Variants in PLEKHG4B observed in about 807,000 individuals in gnomAD.
PLEKHG4B encodes the protein pleckstrin homology domain-containing family G member 4B.
In PLEKHG4B, 111 loss-of-function variants were observed where a neutral mutation model predicts 121.3. The ratio of observed to expected loss-of-function variants is 0.92; its 90% CI spans 0.78 to 1.07. The LOEUF (loss-of-function observed/expected upper bound fraction) is 1.07. Ranked by LOEUF, PLEKHG4B falls within the 50% of genes least tolerant of loss-of-function variation. The pLI is 0.00. For synonymous variants in PLEKHG4B, 738 were observed against 725.0 expected (o/e 1.02, Z -0.29); for missense variants, 1,831 against 1,757.8 (o/e 1.04, Z -0.74).
In PLEKHG4B at chr5:143,211, G is replaced by A; in HGVS notation, c.1642G>A (p.Asp548Asn). The A allele has an allele frequency of 6.2e-7, 1 of 1,611,244 alleles. No homozygotes were observed. Among genetic ancestry groups the A allele is most frequent in the Non-Finnish European group, 8.5e-7 (1 of 1,180,022 alleles). Reference protein sequence around the residue: ...FPSQVPKQVLDVSQELLQSGV... With the variant: ...FPSQVPKQVLNVSQELLQSGV... The stretch of plus-strand genomic sequence containing the variant: ...CAGCCAGGTGCCCAAGCAGGTGCTG[G>A]ACGTCAGTCAGGAGCTGCTGCAGTC... Residue 548 changes from aspartate (D) to asparagine (N), a missense_variant, in exon 4 of 20, where the codon GAC (aspartate) becomes AAC (asparagine). Transcript: ENST00000637938.
At chr5:131,949 G>A (rs1160158158) in intron 2 of PLEKHG4B, among the ~76,000 whole-genome samples, 1 of 151,902 alleles carries the variant, frequency 6.6e-6, no homozygotes, top group Non-Finnish European at 1.5e-5. Context: ...GCAGAAAAAA[G>A]CATTTGACAA....
rs1186904988 is a variant in PLEKHG4B, at chr5:188,214, C to T, written c.*5891C>T. 4 of 152,324 alleles carry T rather than the reference C, an allele frequency of 2.6e-5. No individual in the cohort carries two copies. The highest frequency in any genetic ancestry group is 4.4e-5 in the Non-Finnish European group (3 of 68,132). 9.4% of individuals were successfully genotyped at this position (152,324 alleles called of 1,614,324 possible). ...CCAGCCTCCCGTTCAGAGAAGGCTC[C>T]ATCCTGGGGACACGCCTCTCCCAAG... On this transcript the variant is annotated 3_prime_UTR_variant, in exon 20 of 20. Transcript: ENST00000637938.
intron 2 of PLEKHG4B, among the ~76,000 whole-genome samples, chr5:115,071 A>G (rs1320739663): frequency 2.0e-5 from 3 of 152,252 alleles, no homozygotes; most frequent in African/African-American, 4.8e-5. Context: ...ATCACTCTCT[A>G]TGGCAGCTAT....
At chr5:162,537 A>C (rs1352530609) in intron 12 of PLEKHG4B, among the ~76,000 whole-genome samples, 185 bp from the exon 13 acceptor site, 1 of 152,242 alleles carries the variant, frequency 6.6e-6, no homozygotes, top group African/African-American at 2.4e-5. Flanking sequence ...ATGGGGTCAG[A>C]CACAGCCCAC....
intron 14 of PLEKHG4B, 38 bp downstream of exon 14, chr5:169,630 G>A: frequency 6.2e-7 from 1 of 1,604,608 alleles, no homozygotes; most frequent in Non-Finnish European, 8.5e-7. Context: ...GGGCAACGTG[G>A]TGGGTGAAGC....
At chr5:124,375 C>T (rs900926494) in intron 2 of PLEKHG4B, among the ~76,000 whole-genome samples, 2 of 152,190 alleles carry the variant, frequency 1.3e-5, no homozygotes, top group Admixed American at 1.3e-4. Context: ...GAGTGTTCTG[C>T]ATATGTCTGT....
chr5:164,347 C>T (rs1244359337), intron 13 of PLEKHG4B, among the ~76,000 whole-genome samples: 1 of 152,212 alleles, frequency 6.6e-6, no homozygotes, highest in African/African-American at 2.4e-5. Flanking sequence ...GTTCGTGCTT[C>T]TCCGAGACTC....
At chr5:134,685 G>T (rs987643108) in intron 2 of PLEKHG4B, among the ~76,000 whole-genome samples, 2 of 151,074 alleles carry the variant, frequency 1.3e-5, no homozygotes, top group African/African-American at 4.9e-5. Context: ...AGAATCACTC[G>T]AACCTGGGAG....
In PLEKHG4B at chr5:139,886, G is replaced by A; in HGVS notation, c.647G>A (p.Gly216Asp). 5.0e-6 allele frequency: 2 copies of A among 402,760 alleles called. No homozygotes were observed. The highest frequency in any genetic ancestry group is 8.7e-6 in the Non-Finnish European group (2 of 228,594). 24.9% of individuals were successfully genotyped at this position (402,760 alleles called of 1,614,324 possible). The change falls in exon 3 of 20, where the codon GGT (glycine) becomes GAT (aspartate). Residue 216 changes from glycine to aspartate, a missense_variant. Gly to Asp is a moderately conservative substitution (Grantham distance 94). Coordinates refer to ENST00000637938, the MANE Select transcript of PLEKHG4B (RefSeq NM_052909.5). This position sits in a 1 kb window ranked among gnomAD's most constrained non-coding sequence, Gnocchi z 5.0. ...CTGCAGAGCTACTCCAGCTGCACAGGTCCTGAGCGGCTGCCCAGCAGCCCC... is the reference window on the plus strand; with the variant it reads ...CTGCAGAGCTACTCCAGCTGCACAGATCCTGAGCGGCTGCCCAGCAGCCCC... ...AILQSYSSCTGPERLPSSPSE... is the reference protein window; with the variant it reads ...AILQSYSSCTDPERLPSSPSE...
intron 1 of PLEKHG4B, among the ~76,000 whole-genome samples, chr5:101,883 G>A (rs542053103): frequency 3.4e-4 from 25 of 73,126 alleles, no homozygotes; most frequent in African/African-American, 1.9e-3. Context: ...GAAAAAGTCT[G>A]TAGGGGAGAG....
At chr5:119,421 C>T (rs1035153074) in intron 2 of PLEKHG4B, among the ~76,000 whole-genome samples, 3 of 152,134 alleles carry the variant, frequency 2.0e-5, no homozygotes, top group Admixed American at 1.3e-4. Context: ...TTTGCAACCT[C>T]CAGCATAAAT....
At chr5:154,491 G>A (rs956096700) in intron 7 of PLEKHG4B, among the ~76,000 whole-genome samples, 6 of 152,234 alleles carry the variant, frequency 3.9e-5, no homozygotes, top group East Asian at 1.9e-4. Flanking sequence ...GACTTGGCTC[G>A]GCTGCCAGGG....
intron 3 of PLEKHG4B, 131 bp from the exon 4 acceptor site, chr5:142,916 A>ACC: frequency 1.2e-6 from 1 of 867,300 alleles, no homozygotes; most frequent in Non-Finnish European, 1.9e-6. Flanking sequence ...GTGAACTGGG[A>ACC]CAAGTTTTCT....
chr5:169,410 G>C lies in PLEKHG4B; in HGVS notation c.3547G>C (p.Val1183Leu), dbSNP rs143269875. The C allele has an allele frequency of 6.2e-7, 1 of 1,614,156 alleles. No individual in the cohort carries two copies. The highest frequency in any genetic ancestry group is 1.1e-5 in the South Asian group (1 of 91,084). Residue 1183 changes from valine to leucine, a missense_variant, in exon 14 of 20, where the codon GTC becomes CTC. Physicochemically the swap from Val to Leu is conservative, Grantham distance 32 (BLOSUM62 1). Coordinates refer to ENST00000637938, the MANE Select transcript of PLEKHG4B (RefSeq NM_052909.5). ...GGAGTACATTCGGTGCTTAGGATAC[G>C]TCATTGACAACTATTTTCCAGAAAT... The part of the protein sequence containing the change: ...EREYIRCLGY[V>L]IDNYFPEMER...
At position 101,165 on chromosome 5, in the gene PLEKHG4B, G is replaced by T. The variant is rs1248196652; in HGVS notation, c.45+8889G>T. On this transcript the variant is annotated intron_variant, in intron 1 of 19. Transcript: ENST00000637938. ...TCTATAGGGGAGAGATTGTTGTGAG[G>T]TTAATCCATATAAAGCTCTGGAAAA... 1.6e-5 allele frequency among the ~76,000 whole-genome samples: 2 copies of T among 122,326 alleles called. 1 individual carries two copies. Among genetic ancestry groups the T allele is most frequent in the Non-Finnish European group, 3.2e-5 (2 of 62,084 alleles). 80.3% of individuals were successfully genotyped at this position (122,326 alleles called of 152,430 possible). A position where few individuals can be genotyped will look rare whatever the true frequency, so the allele number is the denominator to read the frequency against.
At chr5:148,241 G>A (rs186446297) in intron 6 of PLEKHG4B, among the ~76,000 whole-genome samples, 1 of 151,632 alleles carries the variant, frequency 6.6e-6, no homozygotes, top group African/African-American at 2.4e-5. Flanking sequence ...AAGAAAAAGT[G>A]GGGGGTGGGG....
Position 169,129 on chromosome 5 carries a change from C to T in PLEKHG4B, c.3477-211C>T, listed in dbSNP as rs143032367. ...GACCTCGTGATCTACCCGCCTCAGCCTCCCAAAGTCCTGGGATTACAGGCA... is the reference window on the plus strand; with the variant it reads ...GACCTCGTGATCTACCCGCCTCAGCTTCCCAAAGTCCTGGGATTACAGGCA... On this transcript the variant is annotated intron_variant, in intron 13 of 19. Coordinates refer to ENST00000637938, the MANE Select transcript of PLEKHG4B (RefSeq NM_052909.5). The T allele has an allele frequency of 4.9e-5, 30 of 607,510 alleles. No individual in the cohort carries two copies. The African/African-American group carries it at 5.2e-4, about 10-fold the overall frequency. 37.6% of individuals were successfully genotyped at this position (607,510 alleles called of 1,614,324 possible).
chr5:144,396 CT>C (rs1735334316), intron 5 of PLEKHG4B, among the ~76,000 whole-genome samples: 1 of 152,190 alleles, frequency 6.6e-6, no homozygotes, highest in Non-Finnish European at 1.5e-5. Flanking sequence ...AGTAAGGACC[CT>C]CCTGACTGAT....
In PLEKHG4B at chr5:143,243, C is replaced by T. The variant is rs555006756; in HGVS notation, c.1674C>T (p.Val558=). 1.9e-5 allele frequency: 30 copies of T among 1,610,136 alleles called. No individual in the cohort carries two copies. The East Asian group carries it at 4.5e-4, about 24-fold the overall frequency. ...DVSQELLQSG[V]VTLPGTRDRH... is the part of the protein sequence containing the mutation. ...GTCAGGAGCTGCTGCAGTCCGGGGT[C>T]GTCACCCTCCCAGGTGAGAGCACAT... The change falls in exon 4 of 20, where the codon GTC becomes GTT. Residue 558 remains valine (V), a synonymous_variant. Coordinates refer to ENST00000637938, the MANE Select transcript of PLEKHG4B (RefSeq NM_052909.5).
Sources: allele counts gnomAD v4.1 joint callset (sites outside exome capture counted in the v4.1 genomes callset), GRCh38; gene constraint gnomAD v4.1.1; non-coding constraint Gnocchi (gnomAD v3.1); transcripts MANE v1.5; gene names NCBI Gene and HGNC (gene_info 2026-07-23, HGNC 2026-07-21).